SNX8: variants seen among roughly 807,000 people sequenced by gnomAD.
SNX8 encodes the protein sorting nexin-8.
In SNX8, 25 loss-of-function variants were observed where a neutral mutation model predicts 51.6. The ratio of observed to expected loss-of-function variants is 0.48; its 90% CI spans 0.35 to 0.68. The LOEUF (loss-of-function observed/expected upper bound fraction) is 0.68. Among genes scored for constraint, SNX8 ranks in the 30% least tolerant of loss-of-function variants. The pLI, the probability that SNX8 is intolerant of heterozygous loss-of-function variation, is 0.00. For missense variants in SNX8, 695 were observed against 624.0 expected (o/e 1.11, Z -1.21); for synonymous variants, 324 against 277.0 (o/e 1.17, Z -1.68).
At chr7:2,284,646 C>T (rs1461188093) in intron 1 of SNX8, among the ~76,000 whole-genome samples, 5 of 151,474 alleles carry the variant, frequency 3.3e-5, no homozygotes, top group East Asian at 4.0e-4. Context: ...CCTTGTGATC[C>T]GCCCACCTCA....
intron 1 of SNX8, among the ~76,000 whole-genome samples, chr7:2,306,824 T>C (rs1796554639): frequency 6.6e-6 from 1 of 152,166 alleles, no homozygotes; most frequent in South Asian, 2.1e-4. Context: ...CAACAGCGCA[T>C]TACTGGGTCT....
intron 1 of SNX8, among the ~76,000 whole-genome samples, chr7:2,323,307 G>A (rs1223997909): frequency 7.1e-6 from 1 of 140,988 alleles, no homozygotes; most frequent in African/African-American, 2.6e-5. Flanking sequence ...TCCAGCCAGG[G>A]CGACAGAGTG....
chr7:2,302,751 A>G (rs4544983), intron 1 of SNX8, among the ~76,000 whole-genome samples: 66,510 of 146,434 alleles, frequency 0.45, 15,088 homozygotes, highest in East Asian at 0.67. Context: ...CCTCTGCCCC[A>G]CCGCCCCGTC....
intron 7 of SNX8, among the ~76,000 whole-genome samples, chr7:2,258,171 C>T (rs1467488644): frequency 2.6e-5 from 4 of 152,080 alleles, no homozygotes; most frequent in Non-Finnish European, 5.9e-5. Context: ...CCACCATGCC[C>T]GGCTAATTTT....
In SNX8 at chr7:2,279,295, G is replaced by A. The variant is rs566574748; in HGVS notation, c.95-990C>T. The stretch of plus-strand genomic sequence containing the variant: ...CCGGACTCACTCACACTACGGAGTC[G>A]AAGCCGGACTCACTCACACTACGGA... On this transcript the variant is annotated intron_variant, in intron 1 of 10. Transcript: ENST00000222990. 1.1e-3 allele frequency among the ~76,000 whole-genome samples: 164 copies of A among 144,176 alleles called. 1 individual carries two copies. Among genetic ancestry groups the A allele is most frequent in the Non-Finnish European group, 1.9e-3 (126 of 66,054 alleles). 94.6% of individuals were successfully genotyped at this position (144,176 alleles called of 152,430 possible). A position where few individuals can be genotyped will look rare whatever the true frequency, so the allele number is the denominator to read the frequency against.
chr7:2,336,501 G>A (rs1778832446), intron 1 of SNX8, among the ~76,000 whole-genome samples: 2 of 152,098 alleles, frequency 1.3e-5, no homozygotes, highest in African/African-American at 4.8e-5. Context: ...GAGGTCAGGA[G>A]TTTGAAACCA....
rs963029458 is a variant in SNX8, at chr7:2,275,569, G to A, written c.301-340C>T. ...ATACAAAAATTAGCTGGGCATGGTGGTGGGCGGCTGTAGTCCCAGCTACTT... is the reference window on the plus strand; with the variant it reads ...ATACAAAAATTAGCTGGGCATGGTGATGGGCGGCTGTAGTCCCAGCTACTT... On this transcript the variant is annotated intron_variant, in intron 2 of 10. Coordinates refer to ENST00000222990, the MANE Select transcript of SNX8 (RefSeq NM_013321.4). Among the ~76,000 whole-genome samples the A allele has an allele frequency of 3.9e-5, 6 of 152,274 alleles. No individual in the cohort carries two copies. The South Asian group carries it at 1.2e-3, about 32-fold the overall frequency.
At chr7:2,305,556 G>C (rs1796526576) in intron 1 of SNX8, among the ~76,000 whole-genome samples, 1 of 151,906 alleles carries the variant, frequency 6.6e-6, no homozygotes, top group South Asian at 2.1e-4. Context: ...TAGAGAGGAG[G>C]TTTCACCATG....
At chr7:2,344,519 G>A (rs756108905) in intron 1 of SNX8, among the ~76,000 whole-genome samples, 1 of 151,946 alleles carries the variant, frequency 6.6e-6, no homozygotes, top group Non-Finnish European at 1.5e-5. Context: ...GGCTGAGGCA[G>A]GAGAATCTTG....
At chr7:2,269,698 G>A (rs906922828) in intron 4 of SNX8, 59 bp from the exon 5 acceptor site, 1 of 1,157,852 alleles carries the variant, frequency 8.6e-7, no homozygotes, top group South Asian at 1.3e-5. Context: ...AAGCTGCTGT[G>A]GGGTATGGGT....
chr7:2,324,785 C>A (rs1441370630), intron 1 of SNX8, among the ~76,000 whole-genome samples: 4 of 152,002 alleles, frequency 2.6e-5, no homozygotes. Context: ...TATAAAGCTA[C>A]CAATTTCTTC....
intron 1 of SNX8, among the ~76,000 whole-genome samples, chr7:2,321,426 T>TC (rs1380742244): frequency 6.6e-6 from 1 of 151,684 alleles, no homozygotes; most frequent in African/African-American, 2.4e-5. Context: ...AAATGGAATT[T>TC]CTTTTTTTTT....
intron 1 of SNX8, among the ~76,000 whole-genome samples, chr7:2,296,653 G>A (rs1482008472): frequency 1.3e-5 from 2 of 151,938 alleles, no homozygotes; most frequent in African/African-American, 2.4e-5. Context: ...TGAAACAGCC[G>A]GGTGTGGTGG....
At chr7:2,257,652 G>C in intron 8 of SNX8, 83 bp downstream of exon 8, 1 of 1,563,772 alleles carries the variant, frequency 6.4e-7, no homozygotes, top group Non-Finnish European at 8.8e-7. Context: ...CTCCTCTTCC[G>C]TCCCCCAGGA....
chr7:2,350,876 A>G (rs1779123547), intron 1 of SNX8, among the ~76,000 whole-genome samples: 1 of 151,838 alleles, frequency 6.6e-6, no homozygotes, highest in Non-Finnish European at 1.5e-5. Flanking sequence ...TGAACTCCTG[A>G]CCTCAAGTGA....
intron 1 of SNX8, among the ~76,000 whole-genome samples, chr7:2,299,049 C>T (rs939032719): frequency 6.6e-6 from 1 of 151,970 alleles, no homozygotes; most frequent in African/African-American, 2.4e-5. Context: ...CAGATCAAAC[C>T]ACAGACAGAG....
chr7:2,347,880 G>A (rs780052721), intron 1 of SNX8, among the ~76,000 whole-genome samples: 30 of 130,804 alleles, frequency 2.3e-4, no homozygotes, highest in Non-Finnish European at 4.5e-4. Flanking sequence ...CTGACCTCAG[G>A]TGATCTGCCC....
intron 2 of SNX8, 52 bp downstream of exon 2, chr7:2,278,048 G>A (rs141339699): frequency 4.1e-5 from 65 of 1,586,188 alleles, no homozygotes; most frequent in African/African-American, 3.6e-4. Flanking sequence ...ATGTTGAGAC[G>A]TGACCCTTTC....
At chr7:2,282,620 C>T (rs1394894233) in intron 1 of SNX8, among the ~76,000 whole-genome samples, 1 of 152,178 alleles carries the variant, frequency 6.6e-6, no homozygotes, top group African/African-American at 2.4e-5. Context: ...AGCAGGTGAG[C>T]ACTACATTCT....
Sources: gnomAD v4.1 joint callset for allele counts (sites outside exome capture counted in the v4.1 genomes callset) on GRCh38, gnomAD v4.1.1 for gene constraint, MANE v1.5 for transcripts, NCBI Gene and HGNC (gene_info 2026-07-23, HGNC 2026-07-21) for gene names.